Variants in MCHR2 observed in about 807,000 individuals in gnomAD.
MCHR2 encodes the protein melanin-concentrating hormone receptor 2.
Under a neutral mutation model 24.8 loss-of-function variants are expected in MCHR2, and 15 were observed. The ratio of observed to expected loss-of-function variants is 0.60; its 90% CI spans 0.40 to 0.93. MCHR2 has a LOEUF of 0.93. MCHR2 is among the 40% of genes least tolerant of loss of function. The pLI is 0.00. For missense variants in MCHR2, 386 were observed against 408.7 expected (o/e 0.94, Z 0.48); for synonymous variants, 151 against 147.6 (o/e 1.02, Z -0.17).
chr6:99,969,415 A>C (rs1185744010), intron 1 of MCHR2, among the ~76,000 whole-genome samples: 1 of 136,172 alleles, frequency 7.3e-6, no homozygotes, highest in Non-Finnish European at 1.5e-5. Flanking sequence ...TGGAGGTTGC[A>C]GTGAGCCAAG....
At position 99,935,739 on chromosome 6, in the gene MCHR2, C is replaced by G. The variant is rs534357811; in HGVS notation, c.588-1222G>C. ...GATATAAACCCAGTAGTGGAACTGT[C>G]GGATCATATGGTAGTTCTATTTTTA... On this transcript the variant is annotated intron_variant, in intron 4 of 5. Transcript: ENST00000281806. Among the ~76,000 whole-genome samples, 7 of 151,820 alleles carry G rather than the reference C, an allele frequency of 4.6e-5. No individual in the cohort carries two copies. In the South Asian group the frequency reaches 1.5e-3, roughly 32 times the overall value.
chr6:99,975,547 T>C (rs1775531617), intron 1 of MCHR2, among the ~76,000 whole-genome samples: 1 of 152,240 alleles, frequency 6.6e-6, no homozygotes, highest in Non-Finnish European at 1.5e-5. Context: ...CTCGCCCTGC[T>C]TCAGCTCGTG....
chr6:99,973,050 GT>G (rs1775465638), intron 1 of MCHR2, among the ~76,000 whole-genome samples: 1 of 152,100 alleles, frequency 6.6e-6, no homozygotes, highest in African/African-American at 2.4e-5. Context: ...TTGATTTGGG[GT>G]GGAGAGTTCT....
chr6:99,929,768 C>G (rs966719102), intron 5 of MCHR2, among the ~76,000 whole-genome samples: 9 of 151,564 alleles, frequency 5.9e-5, no homozygotes, highest in African/African-American at 2.2e-4. Context: ...ATACAGCACA[C>G]TGATGCATCT....
intron 1 of MCHR2, among the ~76,000 whole-genome samples, chr6:99,971,649 G>A (rs1775423763): frequency 6.6e-6 from 1 of 151,450 alleles, no homozygotes; most frequent in African/African-American, 2.5e-5. Context: ...AGTTTTCAAA[G>A]GGAATGCTTC....
At chr6:99,934,136 AT>A (rs1774601632) in intron 5 of MCHR2, among the ~76,000 whole-genome samples, 1 of 152,166 alleles carries the variant, frequency 6.6e-6, no homozygotes, top group South Asian at 2.1e-4. Flanking sequence ...ATATAAAATT[AT>A]TCTTTAAATA....
chr6:99,991,766 G>A (rs1254454235), intron 1 of MCHR2, among the ~76,000 whole-genome samples: 2 of 129,582 alleles, frequency 1.5e-5, no homozygotes, highest in African/African-American at 5.9e-5. Flanking sequence ...GAGACCGCGC[G>A]ACACTGCACT....
intron 1 of MCHR2, among the ~76,000 whole-genome samples, chr6:99,975,283 T>C (rs1050944884): frequency 6.6e-6 from 1 of 152,196 alleles, no homozygotes; most frequent in Non-Finnish European, 1.5e-5. Context: ...GCAGGTGCCC[T>C]TCCCCCAGTC....
intron 1 of MCHR2, among the ~76,000 whole-genome samples, chr6:99,968,732 G>C (rs916327413): frequency 4.6e-5 from 7 of 151,802 alleles, no homozygotes; most frequent in Middle Eastern, 3.4e-3. Context: ...CCATATCCTT[G>C]TTATAAAACA....
intron 1 of MCHR2, among the ~76,000 whole-genome samples, chr6:99,990,363 T>C (rs1179934426): frequency 1.3e-5 from 2 of 152,230 alleles, no homozygotes; most frequent in African/African-American, 4.8e-5. Flanking sequence ...GTTAGAGTCA[T>C]AGGATAAACA....
intron 5 of MCHR2, among the ~76,000 whole-genome samples, chr6:99,926,959 T>C (rs576359660): frequency 1.3e-5 from 2 of 152,390 alleles, no homozygotes; most frequent in Non-Finnish European, 2.9e-5. Context: ...CTAGGGTTTT[T>C]ATGGTTTTAG....
At chr6:99,958,951 C>A (rs1290486413) in intron 1 of MCHR2, among the ~76,000 whole-genome samples, 1 of 152,136 alleles carries the variant, frequency 6.6e-6, no homozygotes, top group Non-Finnish European at 1.5e-5. Flanking sequence ...CTCCTTAGAA[C>A]AAAAGAGCTG....
In MCHR2 at chr6:99,943,523, C is replaced by T. The variant is rs1477025174; in HGVS notation, c.393-380G>A. Among the ~76,000 whole-genome samples the T allele has an allele frequency of 2.0e-5, 3 of 151,240 alleles. 1 individual carries two copies. The highest frequency in any genetic ancestry group is 6.3e-3 in the Middle Eastern group (2 of 316). On this transcript the variant is annotated intron_variant, in intron 3 of 5. Transcript: ENST00000281806. ...ACAACAGTCCCCAGAGTGTGATGTT[C>T]CCCTTCCTGTGTCCATGTGTTCTCA...
Position 99,919,109 on chromosome 6 carries a change from T to G in MCHR2, c.*1831A>C, listed in dbSNP as rs566653983. Among the ~76,000 whole-genome samples, 4 of 152,296 alleles carry G rather than the reference T, an allele frequency of 2.6e-5. No individual in the cohort carries two copies. The South Asian group carries it at 8.3e-4, about 32-fold the overall frequency. On this transcript the variant is annotated 3_prime_UTR_variant, in exon 6 of 6. Coordinates refer to ENST00000281806, the MANE Select transcript of MCHR2 (RefSeq NM_001040179.2). ...TTAGAAAAGTGAGAATGAAGACCCC[T>G]GAAACTGTGGCCATGACACAGCTTC...
rs71024680 is a variant in MCHR2, at chr6:99,965,353, GA to G, written c.-27-9180del. Reference sequence around the variant, plus strand: ...AACTTTGATTGTGGTTCTGTTATATGAAAATTTAATGCCAAAGTGTTTACAA... The same window carrying G: ...AACTTTGATTGTGGTTCTGTTATATGAAATTTAATGCCAAAGTGTTTACAA... On this transcript the variant is annotated intron_variant, in intron 1 of 5. Coordinates refer to ENST00000281806, the MANE Select transcript of MCHR2 (RefSeq NM_001040179.2). 1.5e-3 allele frequency among the ~76,000 whole-genome samples: 222 copies of G among 152,200 alleles called. 1 individual carries two copies. Among genetic ancestry groups the G allele is most frequent in the Non-Finnish European group, 2.6e-3 (179 of 67,996 alleles).
rs966199567 is a variant in MCHR2, at chr6:99,942,611, T to C, written c.587+338A>G. Among the ~76,000 whole-genome samples, 13 of 152,310 alleles carry C rather than the reference T, an allele frequency of 8.5e-5. 1 individual carries two copies. In the East Asian group the frequency reaches 2.3e-3, roughly 27 times the overall value. Reference sequence around the variant, plus strand: ...ATTCAAGCAAACTGCAATTGCATACTGATGAGGTGGAGTCTGAGTGACTCT... The same window carrying C: ...ATTCAAGCAAACTGCAATTGCATACCGATGAGGTGGAGTCTGAGTGACTCT... On this transcript the variant is annotated intron_variant, in intron 4 of 5. Transcript: ENST00000281806.
At chr6:99,952,787 G>A (rs1774989719) in intron 2 of MCHR2, among the ~76,000 whole-genome samples, 1 of 152,100 alleles carries the variant, frequency 6.6e-6, no homozygotes, top group African/African-American at 2.4e-5. Flanking sequence ...AAGGAAAAGT[G>A]TTAAAATCTT....
At chr6:99,983,281 G>C (rs1775706578) in intron 1 of MCHR2, among the ~76,000 whole-genome samples, 2 of 152,026 alleles carry the variant, frequency 1.3e-5, no homozygotes, top group Admixed American at 1.3e-4. Context: ...CCTGCCATGG[G>C]GTTAGTAACA....
At chr6:99,991,587 CAGG>C (rs1392252615) in intron 1 of MCHR2, among the ~76,000 whole-genome samples, 3 of 152,016 alleles carry the variant, frequency 2.0e-5, no homozygotes, top group Non-Finnish European at 2.9e-5. Flanking sequence ...GCAGGTGGAT[CAGG>C]AGGTCAGGAG....
Sources: allele counts gnomAD v4.1 joint callset (sites outside exome capture counted in the v4.1 genomes callset), GRCh38; gene constraint gnomAD v4.1.1; transcripts MANE v1.5; gene names NCBI Gene and HGNC (gene_info 2026-07-23, HGNC 2026-07-21).